The following MBNL1 variants were observed in gnomAD, a reference collection of about 807,000 sequenced individuals.
The protein encoded by MBNL1 is muscleblind-like protein 1.
MBNL1 carries 8 observed loss-of-function variants against 42.2 expected under a neutral mutation model. The ratio of observed to expected loss-of-function variants is 0.19; its 90% CI spans 0.11 to 0.34. The LOEUF (loss-of-function observed/expected upper bound fraction) is 0.34. MBNL1 is among the 10% of genes least tolerant of loss of function. MBNL1 has a pLI of 1.00. For missense variants in MBNL1, 309 were observed against 495.3 expected, an observed-to-expected ratio of 0.62 and a Z score of 3.57; for synonymous variants, 169 against 173.9, an observed-to-expected ratio of 0.97 and a Z score of 0.22.
At chr3:152,389,569 C>T (rs1363516063) in intron 2 of MBNL1, among the ~76,000 whole-genome samples, 2 of 152,034 alleles carry the variant, frequency 1.3e-5, no homozygotes, top group East Asian at 1.9e-4. Context: ...ACCTGTACTG[C>T]GTGTAACTGT....
chr3:152,276,066 C>A (rs2044966838), intron 1 of MBNL1, among the ~76,000 whole-genome samples: 1 of 152,176 alleles, frequency 6.6e-6, no homozygotes, highest in East Asian at 1.9e-4. Flanking sequence ...TGTAAAGTAG[C>A]CGTAAAGTAA....
At chr3:152,409,581 A>G (rs2098518426) in intron 2 of MBNL1, among the ~76,000 whole-genome samples, 1 of 152,214 alleles carries the variant, frequency 6.6e-6, no homozygotes, top group African/African-American at 2.4e-5. Flanking sequence ...ACATTTGCAT[A>G]TATCAGCTAT....
intron 1 of MBNL1, among the ~76,000 whole-genome samples, chr3:152,295,435 A>G (rs1307366623): frequency 2.0e-5 from 3 of 152,200 alleles, no homozygotes; most frequent in African/African-American, 7.2e-5. Context: ...ATAGATCATG[A>G]TATTAAATAA....
chr3:152,453,306 C>T (rs1727246163), intron 6 of MBNL1, among the ~76,000 whole-genome samples: 2 of 152,208 alleles, frequency 1.3e-5, no homozygotes, highest in East Asian at 3.9e-4. Flanking sequence ...TTTAAGTATG[C>T]ATACATCTTA....
chr3:152,312,983 GA>G (rs1219537068), intron 2 of MBNL1, among the ~76,000 whole-genome samples: 1 of 151,546 alleles, frequency 6.6e-6, no homozygotes, highest in African/African-American at 2.4e-5. Flanking sequence ...AGGATCTTCA[GA>G]ATAATTGCAA....
At chr3:152,297,313 A>G (rs2058999279) in intron 1 of MBNL1, among the ~76,000 whole-genome samples, 1 of 147,486 alleles carries the variant, frequency 6.8e-6, no homozygotes, top group Non-Finnish European at 1.5e-5. Context: ...TTTTTTGAAA[A>G]CCAAAATATT....
At chr3:152,409,852 A>G (rs1038570058) in intron 2 of MBNL1, among the ~76,000 whole-genome samples, 4 of 152,222 alleles carry the variant, frequency 2.6e-5, no homozygotes, top group Non-Finnish European at 5.9e-5. Context: ...CCTTTTAAGT[A>G]GAAGAAATAT....
Position 152,412,616 on chromosome 3 carries a change from G to A in MBNL1, c.175-2325G>A, listed in dbSNP as rs141921091. On this transcript the variant is annotated intron_variant, in intron 2 of 9. Transcript: ENST00000324210. ...CAGAATGAAAATCAAAAGTCTGAGC[G>A]TCTTGTAAAAGTTTTGAGATGCACT... Among the ~76,000 whole-genome samples, 28 of 152,284 alleles carry A rather than the reference G, an allele frequency of 1.8e-4. No homozygotes were observed. The East Asian group carries it at 3.3e-3, about 18-fold the overall frequency.
At chr3:152,429,765 T>A (rs1478724757) in intron 3 of MBNL1, among the ~76,000 whole-genome samples, 1 of 152,026 alleles carries the variant, frequency 6.6e-6, no homozygotes, top group East Asian at 1.9e-4. Context: ...TACAAAAATT[T>A]AAAATAAATG....
intron 1 of MBNL1, among the ~76,000 whole-genome samples, chr3:152,283,506 G>A (rs1014031708): frequency 3.3e-5 from 5 of 152,174 alleles, no homozygotes; most frequent in African/African-American, 1.2e-4. Flanking sequence ...GCTTTAGGAA[G>A]TGAAAAAGTC....
intron 2 of MBNL1, among the ~76,000 whole-genome samples, chr3:152,372,378 C>T (rs1162542687): frequency 6.6e-6 from 1 of 152,138 alleles, no homozygotes; most frequent in African/African-American, 2.4e-5. Flanking sequence ...AAGAGGTGTT[C>T]TGGTTTTTGG....
intron 2 of MBNL1, among the ~76,000 whole-genome samples, chr3:152,379,168 C>T (rs887231864): frequency 1.3e-5 from 2 of 152,146 alleles, no homozygotes; most frequent in Non-Finnish European, 2.9e-5. Flanking sequence ...CATATAAAGT[C>T]ACCACTGACA....
At position 152,250,186 on chromosome 3, in the gene MBNL1, T is replaced by C. The variant is rs1333298682; in HGVS notation, n.333+5746T>C. 1.4e-4 allele frequency among the ~76,000 whole-genome samples: 22 copies of C among 151,852 alleles called. 1 individual carries two copies. In the Middle Eastern group the frequency reaches 0.027, roughly 188 times the overall value. On this transcript the variant is annotated intron_variant and non_coding_transcript_variant, in intron 2 of 2. Transcript: ENST00000477171. ...CATTGGTAGCTTGATGGGGATGGCA[T>C]TGAATCTGTAAATTACCTTGGGCAG...
At chr3:152,452,699 C>T (rs1465013780) in intron 6 of MBNL1, among the ~76,000 whole-genome samples, 1 of 152,156 alleles carries the variant, frequency 6.6e-6, no homozygotes, top group East Asian at 1.9e-4. Flanking sequence ...CCTGCCACTT[C>T]AATCTTGAGG....
chr3:152,422,817 G>A (rs1326725355), intron 3 of MBNL1, among the ~76,000 whole-genome samples: 1 of 152,116 alleles, frequency 6.6e-6, no homozygotes, highest in Non-Finnish European at 1.5e-5. Context: ...ACAACCACAT[G>A]GAAACTGAAC....
chr3:152,344,258 A>G (rs35324894), intron 2 of MBNL1, among the ~76,000 whole-genome samples: 18,118 of 152,198 alleles, frequency 0.12, 1,247 homozygotes, highest in Middle Eastern at 0.18. Flanking sequence ...AAGAAAACAC[A>G]AAGCACAAAC....
chr3:152,405,140 C>T (rs1269882734), intron 2 of MBNL1, among the ~76,000 whole-genome samples: 1 of 152,114 alleles, frequency 6.6e-6, no homozygotes, highest in Non-Finnish European at 1.5e-5. Flanking sequence ...TGAAGACTTC[C>T]ATTTGGTTCT....
rs559621179 is a variant in MBNL1, at chr3:152,422,126, G to A, written c.345+7015G>A. Among the ~76,000 whole-genome samples the A allele has an allele frequency of 5.5e-3, 842 of 152,050 alleles. 5 individuals are homozygous for A. Among genetic ancestry groups the A allele is most frequent in the Non-Finnish European group, 8.6e-3 (585 of 67,984 alleles). On this transcript the variant is annotated intron_variant, in intron 3 of 9. Transcript: ENST00000324210. ...AGGCTAAATCTCTCAATTAAAAGACGCAGACTGGCAAATTGGATAAAGAGT... is the reference window on the plus strand; with the variant it reads ...AGGCTAAATCTCTCAATTAAAAGACACAGACTGGCAAATTGGATAAAGAGT...
At chr3:152,325,041 G>T (rs1269947745) in intron 2 of MBNL1, among the ~76,000 whole-genome samples, 2 of 121,726 alleles carry the variant, frequency 1.6e-5, no homozygotes, top group African/African-American at 6.3e-5. Context: ...ACATTGACCT[G>T]TGGCAAATGA....
Sources: gnomAD v4.1 joint callset for allele counts (sites outside exome capture counted in the v4.1 genomes callset) on GRCh38, gnomAD v4.1.1 for gene constraint, MANE v1.5 for transcripts, NCBI Gene and HGNC (gene_info 2026-07-23, HGNC 2026-07-21) for gene names.